Variants in EXPH5 observed in about 807,000 individuals in gnomAD.
The protein encoded by EXPH5 is exophilin 5, also known as exophilin-5.
Under a neutral mutation model 41.1 loss-of-function variants are expected in EXPH5, and 42 were observed. That is an observed-to-expected ratio of 1.02 (90% CI 0.80 to 1.32). The LOEUF (loss-of-function observed/expected upper bound fraction) is 1.32. EXPH5 is among the 40% of genes most tolerant of loss of function. The probability of loss-of-function intolerance (pLI) is 0.00; values close to 1 mark genes in which losing one functional copy is unlikely to be tolerated. For missense variants in EXPH5, 2,298 were observed against 2,314.5 expected (o/e 0.99, Z 0.15); for synonymous variants, 798 against 833.5 (o/e 0.96, Z 0.73).
Position 108,593,332 on chromosome 11 carries a change from C to A in EXPH5, c.119+86G>T, listed in dbSNP as rs543989383. The A allele has an allele frequency of 2.8e-5, 34 of 1,225,028 alleles. No homozygotes were observed. In the Middle Eastern group the frequency reaches 1.1e-3, roughly 39 times the overall value. The allele number at this position is 1,225,028 out of a possible 1,614,324, so 75.9% of individuals were successfully genotyped here. Reference sequence around the variant, plus strand: ...GCTCGGAGCACCCCCGGGCAGGTGCCCCGCGCGAGCTCAGCGCCTTCCCCG... The same window carrying A: ...GCTCGGAGCACCCCCGGGCAGGTGCACCGCGCGAGCTCAGCGCCTTCCCCG... On this transcript the variant is annotated intron_variant, in intron 1 of 5. Transcript: ENST00000265843.
intron 1 of EXPH5, among the ~76,000 whole-genome samples, chr11:108,583,415 C>T (rs529966115): frequency 6.6e-6 from 1 of 151,690 alleles, no homozygotes; most frequent in Admixed American, 6.6e-5. Flanking sequence ...TATCAATAGT[C>T]TATAGAAGAA....
chr11:108,579,778 CA>C (rs1041388933), intron 1 of EXPH5, among the ~76,000 whole-genome samples: 2 of 152,130 alleles, frequency 1.3e-5, no homozygotes, highest in Admixed American at 6.5e-5. Context: ...CAGAGTAGTG[CA>C]AAACCCAGAA....
chr11:108,551,588 C>T (rs1383918868), intron 1 of EXPH5, among the ~76,000 whole-genome samples: 2 of 151,836 alleles, frequency 1.3e-5, no homozygotes, highest in Non-Finnish European at 2.9e-5. Context: ...TTTTCTTTTA[C>T]AGCTGATCTT....
chr11:108,589,463 T>C (rs2094122219), intron 1 of EXPH5, among the ~76,000 whole-genome samples: 1 of 152,166 alleles, frequency 6.6e-6, no homozygotes, highest in Admixed American at 6.5e-5. Context: ...AGCTCAAGGA[T>C]ATTAGTGTAA....
In EXPH5 at chr11:108,514,333, G is replaced by C; in HGVS notation, c.1174C>G (p.Pro392Ala). ...GCGGGATCAATTTCCATTGGTGATG[G>C]TGCCCTCAGGAACTCTTCCTGGTTC... ...RENQEEFLRA[P>A]SPMEIDPADK... Residue 392 changes from proline (P) to alanine (A), a missense_variant, in exon 6 of 6, where the codon CCA becomes GCA. Transcript: ENST00000265843. 1 of 1,613,274 alleles carries C rather than the reference G, an allele frequency of 6.2e-7. No homozygotes were observed. The highest frequency in any genetic ancestry group is 8.5e-7 in the Non-Finnish European group (1 of 1,179,610).
chr11:108,581,716 TCCTTTGAAAACATCAATAAATTTGATAAA>T (rs1394412956), intron 1 of EXPH5, among the ~76,000 whole-genome samples: 1 of 151,602 alleles, frequency 6.6e-6, no homozygotes, highest in Non-Finnish European at 1.5e-5. Flanking sequence ...AAAAAGCAGG[TCCTTTGAAAACATCAATAAATTTGATAAA>T]CCTTTAACAC....
rs1021774054 is a variant in EXPH5, at chr11:108,510,859, T to G, written c.4648A>C (p.Thr1550Pro). The G allele has an allele frequency of 1.9e-6, 3 of 1,614,076 alleles. No individual in the cohort carries two copies. The highest frequency in any genetic ancestry group is 1.3e-5 in the African/African-American group (1 of 74,938). Reference protein sequence around the residue: ...LPQRSQEANMTESRKAEDEMQ... With the variant: ...LPQRSQEANMPESRKAEDEMQ... The stretch of plus-strand genomic sequence containing the variant: ...TCATCTTCAGCCTTCCTGCTCTCTG[T>G]CATATTTGCCTCCTGACTTCTTTGA... Residue 1550 changes from threonine (T) to proline (P), a missense_variant, in exon 6 of 6, where the codon ACA becomes CCA. Thr to Pro is a conservative substitution (Grantham distance 38). Coordinates refer to ENST00000265843, the MANE Select transcript of EXPH5 (RefSeq NM_015065.3).
chr11:108,585,689 G>A (rs536594753), intron 1 of EXPH5, among the ~76,000 whole-genome samples: 3 of 152,206 alleles, frequency 2.0e-5, no homozygotes, highest in Admixed American at 6.5e-5. Context: ...TGGTACAGCT[G>A]TGGGAAAAAC....
chr11:108,589,084 C>A (rs1047916135), intron 1 of EXPH5, among the ~76,000 whole-genome samples: 1 of 152,184 alleles, frequency 6.6e-6, no homozygotes, highest in Non-Finnish European at 1.5e-5. Context: ...CTTTTCCAGG[C>A]CACACAGGAC....
At chr11:108,553,530 AGCCAGC>A (rs1182171767) in intron 1 of EXPH5, among the ~76,000 whole-genome samples, 1 of 152,180 alleles carries the variant, frequency 6.6e-6, no homozygotes, top group Admixed American at 6.6e-5. Flanking sequence ...CTTTTACCTG[AGCCAGC>A]TTGGAAATCA....
chr11:108,536,280 CT>C lies in EXPH5; in HGVS notation c.443+2743del, dbSNP rs779211146. On this transcript the variant is annotated intron_variant, in intron 3 of 5. Coordinates refer to ENST00000265843, the MANE Select transcript of EXPH5 (RefSeq NM_015065.3). ...AGGCAGAAGTGGTAAATCTTTTTGC[CT>C]TTTTTTTTTTTTTGAAACAGGGTTT... 6.3e-3 allele frequency among the ~76,000 whole-genome samples: 879 copies of C among 140,186 alleles called. 2 individuals are homozygous for C. Among genetic ancestry groups the C allele is most frequent in the African/African-American group, 0.011 (407 of 38,538 alleles). 92.0% of individuals were successfully genotyped at this position (140,186 alleles called of 152,430 possible). A position where few individuals can be genotyped will look rare whatever the true frequency, so the allele number is the denominator to read the frequency against.
chr11:108,579,300 T>C (rs1186925454), intron 1 of EXPH5, among the ~76,000 whole-genome samples: 1 of 152,068 alleles, frequency 6.6e-6, no homozygotes, highest in African/African-American at 2.4e-5. Context: ...ATTCTACCAA[T>C]GTGATACATC....
At chr11:108,571,263 T>C (rs2094058979) in intron 1 of EXPH5, among the ~76,000 whole-genome samples, 1 of 152,196 alleles carries the variant, frequency 6.6e-6, no homozygotes, top group South Asian at 2.1e-4. Flanking sequence ...ATGACCTAAT[T>C]TATTGGCCTT....
chr11:108,572,231 G>C (rs2136101379), intron 1 of EXPH5, among the ~76,000 whole-genome samples: 1 of 152,258 alleles, frequency 6.6e-6, no homozygotes, highest in South Asian at 2.1e-4. Context: ...ACAACCAAAA[G>C]TAAAAAGTGA....
At chr11:108,525,013 C>T (rs1158729981) in intron 4 of EXPH5, among the ~76,000 whole-genome samples, 2 of 152,114 alleles carry the variant, frequency 1.3e-5, no homozygotes, top group African/African-American at 2.4e-5. Context: ...GGCGGTTTCC[C>T]CCATACTGTT....
At chr11:108,518,443 C>A (rs1204888251) in intron 4 of EXPH5, 70 bp from the exon 5 acceptor site, 3 of 1,381,234 alleles carry the variant, frequency 2.2e-6, no homozygotes, top group African/African-American at 2.9e-5. Context: ...CACGCTCCCA[C>A]CAAACTGTCC....
chr11:108,593,278 C>T (rs746358001), intron 1 of EXPH5, 140 bp downstream of exon 1: 3 of 711,500 alleles, frequency 4.2e-6, no homozygotes, highest in African/African-American at 3.6e-5. Flanking sequence ...GCAGTTTTCT[C>T]TTCCCGACCC....
At chr11:108,604,959 G>A in the EXPH5 span, among the ~76,000 whole-genome samples, 28 of 152,316 alleles carry the variant, frequency 1.8e-4, no homozygotes, top group East Asian at 3.9e-3. Context: ...GCTTGGTTGG[G>A]TGGAGATGAA....
In EXPH5 at chr11:108,511,486, C is replaced by T; in HGVS notation, c.4021G>A (p.Ala1341Thr). 1.3e-6 allele frequency: 2 copies of T among 1,587,512 alleles called. No individual in the cohort carries two copies. The highest frequency in any genetic ancestry group is 1.7e-6 in the Non-Finnish European group (2 of 1,170,192). Residue 1341 changes from alanine (A) to threonine (T), a missense_variant, in exon 6 of 6, where the codon GCT becomes ACT. Transcript: ENST00000265843. ...GAAGCCATTTCCTGTAATGTAGGAG[C>T]TAGGGGCCCCCTATTTGATAATCGG... is the stretch of plus-strand genomic sequence containing the variant. ...AFRLSNRGPL[A>T]PTLQEMASVE... is the part of the protein sequence containing the mutation.
Sources: allele counts gnomAD v4.1 joint callset (sites outside exome capture counted in the v4.1 genomes callset), GRCh38; gene constraint gnomAD v4.1.1; transcripts MANE v1.5; gene names NCBI Gene and HGNC (gene_info 2026-07-23, HGNC 2026-07-21).